The following SAMMSON variants were observed in gnomAD, a reference collection of about 807,000 sequenced individuals.
SAMMSON encodes survival associated mitochondrial melanoma specific oncogenic non-coding RNA.
At chr3:70,288,615 G>T (rs368215877) in intron 6 of SAMMSON, among the ~76,000 whole-genome samples, 4 of 151,208 alleles carry the variant, frequency 2.6e-5, no homozygotes, top group East Asian at 4.0e-4. Context: ...GGGTATCCTT[G>T]TTGACTTTCT....
chr3:70,348,906 G>A (rs751906357), intron 7 of SAMMSON, among the ~76,000 whole-genome samples: 3 of 152,092 alleles, frequency 2.0e-5, no homozygotes, highest in Non-Finnish European at 4.4e-5. Context: ...TATATGAAGA[G>A]AGACAATCAA....
At chr3:70,314,000 A>G (rs1168575334) in intron 7 of SAMMSON, among the ~76,000 whole-genome samples, 2 of 152,036 alleles carry the variant, frequency 1.3e-5, no homozygotes, top group African/African-American at 4.8e-5. Context: ...TTCTGTTATC[A>G]ATACTCCTAG....
intron 7 of SAMMSON, among the ~76,000 whole-genome samples, chr3:70,296,135 G>C (rs1320667726): frequency 6.6e-6 from 1 of 151,948 alleles, no homozygotes; most frequent in African/African-American, 2.4e-5. Context: ...TTTTTTATCA[G>C]TACATTTTCT....
chr3:70,196,930 C>T (rs755305635), intron 4 of SAMMSON: 46 of 398,368 alleles, frequency 1.2e-4, no homozygotes, highest in Non-Finnish European at 1.9e-4. Context: ...ACTGTGCTAG[C>T]GGTAACAGAT....
intron 2 of SAMMSON, among the ~76,000 whole-genome samples, chr3:70,418,981 C>CCCTTTCCTTTCCTTTCCTTCCT (rs1374352220): frequency 1.3e-5 from 1 of 74,942 alleles, no homozygotes; most frequent in African/African-American, 6.0e-5. Flanking sequence ...TTCCTTCCTT[C>CCCTTTCCTTTCCTTTCCTTCCT]TCTCTCTCTC....
At chr3:70,012,963 A>G (rs1401531977) in intron 2 of SAMMSON, among the ~76,000 whole-genome samples, 2 of 152,166 alleles carry the variant, frequency 1.3e-5, no homozygotes, top group Non-Finnish European at 2.9e-5. Context: ...GATAACTGTG[A>G]TCAATAATCT....
At chr3:70,109,781 T>A (rs144658922) in intron 4 of SAMMSON, among the ~76,000 whole-genome samples, 125 of 152,288 alleles carry the variant, frequency 8.2e-4, no homozygotes, top group Non-Finnish European at 1.3e-4. Context: ...TTATACTGCC[T>A]CCTTAAAAGA....
intron 4 of SAMMSON, among the ~76,000 whole-genome samples, chr3:70,210,313 A>G (rs1393335256): frequency 1.3e-5 from 2 of 152,064 alleles, no homozygotes; most frequent in Admixed American, 6.6e-5. Context: ...AGTTATTTTA[A>G]TTCTATATCT....
chr3:70,034,067 A>C (rs557674073), intron 3 of SAMMSON, among the ~76,000 whole-genome samples: 1 of 152,242 alleles, frequency 6.6e-6, no homozygotes, highest in South Asian at 2.1e-4. Flanking sequence ...TTTGAAAGTT[A>C]TTAACTTTTG....
intron 3 of SAMMSON, among the ~76,000 whole-genome samples, chr3:70,063,556 T>C (rs1034548799): frequency 6.6e-6 from 1 of 152,056 alleles, no homozygotes; most frequent in African/African-American, 2.4e-5. Context: ...AAGAATTACA[T>C]CTTTGAGCAG....
intron 4 of SAMMSON, among the ~76,000 whole-genome samples, chr3:70,113,601 T>C (rs1236177126): frequency 2.0e-5 from 3 of 152,210 alleles, no homozygotes; most frequent in South Asian, 2.1e-4. Flanking sequence ...TGTAAAGGGA[T>C]GTGTACAAGT....
intron 4 of SAMMSON, among the ~76,000 whole-genome samples, chr3:70,150,024 T>G (rs1278866269): frequency 6.6e-6 from 1 of 152,110 alleles, no homozygotes. Context: ...TTTTTTTCTT[T>G]TTTAAATTTC....
At chr3:70,067,098 G>A (rs1176408597) in intron 3 of SAMMSON, among the ~76,000 whole-genome samples, 1 of 151,596 alleles carries the variant, frequency 6.6e-6, no homozygotes, top group African/African-American at 2.4e-5. Flanking sequence ...CATCTAGAAG[G>A]GTCAGGGAAA....
At chr3:70,203,430 G>A (rs1043232361) in intron 4 of SAMMSON, among the ~76,000 whole-genome samples, 3 of 152,228 alleles carry the variant, frequency 2.0e-5, no homozygotes, top group African/African-American at 4.8e-5. Context: ...CATCCCTGAT[G>A]TTATCAATTT....
At chr3:70,269,657 T>G (rs913079919) in intron 6 of SAMMSON, among the ~76,000 whole-genome samples, 2 of 152,252 alleles carry the variant, frequency 1.3e-5, no homozygotes, top group African/African-American at 4.8e-5. Flanking sequence ...CTAAGGTTTT[T>G]GTTTTAACAG....
intron 7 of SAMMSON, among the ~76,000 whole-genome samples, chr3:70,292,307 A>G (rs1055625600): frequency 1.3e-5 from 2 of 152,184 alleles, no homozygotes; most frequent in Non-Finnish European, 2.9e-5. Context: ...AATATATAGT[A>G]TCTATCTATT....
At chr3:70,218,116 C>T (rs1701432193) in intron 4 of SAMMSON, among the ~76,000 whole-genome samples, 1 of 152,110 alleles carries the variant, frequency 6.6e-6, no homozygotes, top group Non-Finnish European at 1.5e-5. Context: ...GATTTAAGAT[C>T]TATTTTCTTG....
chr3:70,371,676 A>G (rs1464151781), intron 9 of SAMMSON, among the ~76,000 whole-genome samples: 1 of 151,748 alleles, frequency 6.6e-6, no homozygotes, highest in Non-Finnish European at 1.5e-5. Flanking sequence ...TTTTTTTCAT[A>G]TTTATTTGTG....
intron 4 of SAMMSON, among the ~76,000 whole-genome samples, chr3:70,177,526 A>C (rs1301127606): frequency 6.6e-6 from 1 of 152,210 alleles, no homozygotes; most frequent in Admixed American, 6.5e-5. Flanking sequence ...AAGTATCTAG[A>C]TGGACAATGT....
Sources: allele counts gnomAD v4.1 joint callset (sites outside exome capture counted in the v4.1 genomes callset), GRCh38; gene constraint gnomAD v4.1.1; transcripts MANE v1.5; gene names NCBI Gene and HGNC (gene_info 2026-07-23, HGNC 2026-07-21).